The following THSD4 variants were observed in gnomAD, a reference collection of about 807,000 sequenced individuals.
THSD4 encodes the protein thrombospondin type-1 domain-containing protein 4.
THSD4 carries 69 observed loss-of-function variants against 119.0 expected under a neutral mutation model. That is an observed-to-expected ratio of 0.58 (90% CI 0.48 to 0.71). The LOEUF is 0.71. THSD4 is among the 30% of genes least tolerant of loss of function. The pLI is 0.00. For missense variants in THSD4, 1,393 were observed against 1,391.1 expected, an observed-to-expected ratio of 1.00 and a Z score of -0.02; for synonymous variants, 524 against 540.4, an observed-to-expected ratio of 0.97 and a Z score of 0.42.
intron 8 of THSD4, among the ~76,000 whole-genome samples, chr15:71,702,878 C>T (rs957985691): frequency 6.6e-6 from 1 of 152,148 alleles, no homozygotes; most frequent in Non-Finnish European, 1.5e-5. Flanking sequence ...CCTCTCTGTC[C>T]ACTATTGTAT....
At chr15:71,380,256 G>C (rs1002778762) in intron 6 of THSD4, among the ~76,000 whole-genome samples, 3 of 152,044 alleles carry the variant, frequency 2.0e-5, no homozygotes, top group Non-Finnish European at 4.4e-5. Context: ...CAAATTTTGA[G>C]AGATTGATCA....
intron 7 of THSD4, among the ~76,000 whole-genome samples, chr15:71,437,749 C>A (rs1020546567): frequency 1.3e-5 from 2 of 152,160 alleles, no homozygotes; most frequent in African/African-American, 4.8e-5. Context: ...GCCAAGAATT[C>A]ATATGTATTT....
intron 7 of THSD4, among the ~76,000 whole-genome samples, chr15:71,431,331 A>G (rs1463260543): frequency 6.6e-6 from 1 of 152,194 alleles, no homozygotes; most frequent in East Asian, 1.9e-4. Context: ...ATACAGTCCA[A>G]CTGGATAATC....
intron 4 of THSD4, among the ~76,000 whole-genome samples, chr15:71,217,405 C>T (rs537343603): frequency 5.3e-5 from 8 of 152,146 alleles, no homozygotes; most frequent in African/African-American, 1.9e-4. Context: ...ATCACGAGGT[C>T]AGGAGATCGA....
At chr15:71,633,269 CTTTTTTTTTTTTTTT>C (rs67682951) in intron 7 of THSD4, among the ~76,000 whole-genome samples, 1 of 63,162 alleles carries the variant, frequency 1.6e-5, no homozygotes, top group African/African-American at 5.7e-5. Context: ...TTCTTTCTTT[CTTTTTTTTTTTTTTT>C]TTTTTTTTGG....
Position 71,619,104 on chromosome 15 carries a change from G to C in THSD4, c.1153-41426G>C, listed in dbSNP as rs146080523. ...TCTGCCTCAACTTCCTCAGTAGCTA[G>C]GATTACAGGTGCCCACCACCACGCC... is the stretch of plus-strand genomic sequence containing the variant. On this transcript the variant is annotated intron_variant, in intron 7 of 17. Transcript: ENST00000261862. Among the ~76,000 whole-genome samples, 266 of 151,698 alleles carry C rather than the reference G, an allele frequency of 1.8e-3. 5 individuals are homozygous for C. The East Asian group carries it at 0.048, about 27-fold the overall frequency.
intron 7 of THSD4, among the ~76,000 whole-genome samples, chr15:71,482,543 G>C (rs1406333855): frequency 4.6e-5 from 7 of 151,718 alleles, no homozygotes; most frequent in Non-Finnish European, 8.8e-5. Context: ...GCCTGCCTCG[G>C]CCTCCCAAAG....
In THSD4 at chr15:71,748,613, A is replaced by G; in HGVS notation, c.2415+19A>G. ...CGAAAGGGTGAGTGTGATGGCGGGC[A>G]GAGCGCCGGGGACCGAGGTCTGCCA... On this transcript the variant is annotated intron_variant, in intron 14 of 17. Transcript: ENST00000261862. 1.9e-6 allele frequency: 3 copies of G among 1,613,422 alleles called. No homozygotes were observed. In the South Asian group the frequency reaches 3.3e-5, roughly 18 times the overall value.
chr15:71,742,619 A>G (rs2053258215), intron 11 of THSD4, among the ~76,000 whole-genome samples: 1 of 152,090 alleles, frequency 6.6e-6, no homozygotes, highest in Admixed American at 6.6e-5. Flanking sequence ...TGACCTCACC[A>G]CCTTGTTCCT....
chr15:71,306,384 A>T (rs984870467), intron 6 of THSD4, among the ~76,000 whole-genome samples: 4 of 150,200 alleles, frequency 2.7e-5, no homozygotes, highest in African/African-American at 9.8e-5. Context: ...TATGGCCAGT[A>T]TCTTACTAAA....
intron 3 of THSD4, among the ~76,000 whole-genome samples, chr15:71,203,971 T>C (rs915337017): frequency 2.6e-5 from 4 of 152,214 alleles, no homozygotes; most frequent in Non-Finnish European, 5.9e-5. Context: ...GTTCCCCGAA[T>C]CAGCCTCTGG....
At chr15:71,329,804 G>T (rs2045398634) in intron 6 of THSD4, among the ~76,000 whole-genome samples, 2 of 152,176 alleles carry the variant, frequency 1.3e-5, no homozygotes, top group Non-Finnish European at 2.9e-5. Context: ...CTATGGGCTG[G>T]GCGTGGTGGC....
At chr15:71,206,384 A>G (rs2043844099) in intron 3 of THSD4, among the ~76,000 whole-genome samples, 1 of 152,160 alleles carries the variant, frequency 6.6e-6, no homozygotes, top group Non-Finnish European at 1.5e-5. Flanking sequence ...GTCCTAGCTG[A>G]GCAGCCAGCT....
chr15:71,664,780 A>G (rs962868494), intron 8 of THSD4, among the ~76,000 whole-genome samples: 1 of 152,218 alleles, frequency 6.6e-6, no homozygotes, highest in Non-Finnish European at 1.5e-5. Context: ...TTTTCTAAGT[A>G]TAATGATCTC....
chr15:71,463,290 T>A (rs1164416045), intron 7 of THSD4, among the ~76,000 whole-genome samples: 1 of 152,192 alleles, frequency 6.6e-6, no homozygotes, highest in Non-Finnish European at 1.5e-5. Context: ...CGTCTATCTT[T>A]GTATCCAAGT....
intron 6 of THSD4, among the ~76,000 whole-genome samples, chr15:71,409,162 C>G (rs1245094498): frequency 1.3e-4 from 19 of 150,930 alleles, no homozygotes; most frequent in Admixed American, 4.0e-4. Context: ...TTTTCCCCCC[C>G]CCTCAGAATG....
intron 6 of THSD4, among the ~76,000 whole-genome samples, chr15:71,314,559 G>A (rs979840861): frequency 6.6e-6 from 1 of 152,096 alleles, no homozygotes; most frequent in Non-Finnish European, 1.5e-5. Context: ...CATCTGTCTC[G>A]GCCTCCCAAA....
chr15:71,748,996 A>C (rs1359521322), intron 14 of THSD4, among the ~76,000 whole-genome samples: 3 of 152,242 alleles, frequency 2.0e-5, no homozygotes, highest in Non-Finnish European at 4.4e-5. Flanking sequence ...CTGGCCTCCC[A>C]TGGGAAGTCT....
At chr15:71,530,280 C>T (rs918554836) in intron 7 of THSD4, among the ~76,000 whole-genome samples, 7 of 152,238 alleles carry the variant, frequency 4.6e-5, no homozygotes, top group Admixed American at 3.9e-4. Context: ...AAGATTGGGG[C>T]TGGTTCCAGC....
Sources: gnomAD v4.1 joint callset for allele counts (sites outside exome capture counted in the v4.1 genomes callset) on GRCh38, gnomAD v4.1.1 for gene constraint, MANE v1.5 for transcripts, NCBI Gene and HGNC (gene_info 2026-07-23, HGNC 2026-07-21) for gene names.